Variants in FNDC3B observed in about 807,000 individuals in gnomAD.
FNDC3B encodes fibronectin type III domain-containing protein 3B.
FNDC3B carries 12 observed loss-of-function variants against 151.5 expected under a neutral mutation model. The observed-to-expected ratio is 0.08, with a 90% CI of 0.05 to 0.13. The LOEUF is 0.13. Among genes scored for constraint, FNDC3B ranks in the 10% least tolerant of loss-of-function variants. The probability of loss-of-function intolerance (pLI) is 1.00; values close to 1 mark genes in which losing one functional copy is unlikely to be tolerated. For missense variants in FNDC3B, 1,214 were observed against 1,505.3 expected, an observed-to-expected ratio of 0.81 and a Z score of 3.20; for synonymous variants, 528 against 549.0, an observed-to-expected ratio of 0.96 and a Z score of 0.54.
At chr3:172,094,835 G>A (rs1719020128) in intron 1 of FNDC3B, among the ~76,000 whole-genome samples, 1 of 151,626 alleles carries the variant, frequency 6.6e-6, no homozygotes, top group Admixed American at 6.6e-5. Flanking sequence ...CTTAGTGGAA[G>A]TGAGGTTCCA....
intron 4 of FNDC3B, among the ~76,000 whole-genome samples, chr3:172,240,673 A>G (rs1727448088): frequency 6.6e-6 from 1 of 152,178 alleles, no homozygotes; most frequent in Non-Finnish European, 1.5e-5. Context: ...GGTTTTCTTC[A>G]TCTAAAGCAG....
At chr3:172,195,545 G>A (rs141828560) in intron 3 of FNDC3B, among the ~76,000 whole-genome samples, 28 of 152,364 alleles carry the variant, frequency 1.8e-4, no homozygotes, top group Non-Finnish European at 3.8e-4. Context: ...TTGTGCTGCT[G>A]TTAATTTTGT....
At chr3:172,079,608 C>T (rs1255552731) in intron 1 of FNDC3B, among the ~76,000 whole-genome samples, 9 of 152,218 alleles carry the variant, frequency 5.9e-5, no homozygotes, top group Admixed American at 2.0e-4. Context: ...AGATAATTCC[C>T]GTATAGCCAT....
intron 3 of FNDC3B, among the ~76,000 whole-genome samples, chr3:172,177,336 G>A (rs9873489): frequency 0.1 from 15,595 of 152,146 alleles, 994 homozygotes; most frequent in African/African-American, 0.17. Context: ...GACTCCTTGG[G>A]CACTTCTTTT....
At chr3:172,111,666 C>G (rs9870328) in intron 1 of FNDC3B, among the ~76,000 whole-genome samples, 110,641 of 152,080 alleles carry the variant, frequency 0.73, 41,267 homozygotes, top group African/African-American at 0.9. Flanking sequence ...TTAGAGTGGA[C>G]GTGTTTAAGA....
chr3:172,395,483 A>T (rs1736228411), intron 25 of FNDC3B, among the ~76,000 whole-genome samples: 1 of 152,232 alleles, frequency 6.6e-6, no homozygotes, highest in African/African-American at 2.4e-5. Flanking sequence ...GATTATGTTA[A>T]TGTTAACAAA....
intron 13 of FNDC3B, among the ~76,000 whole-genome samples, chr3:172,331,805 T>C (rs1423041892): frequency 6.6e-6 from 1 of 152,210 alleles, no homozygotes; most frequent in Non-Finnish European, 1.5e-5. Flanking sequence ...GTCATTTCTT[T>C]GGGCAGTCCT....
intron 1 of FNDC3B, among the ~76,000 whole-genome samples, chr3:172,104,443 G>A (rs1719534398): frequency 6.7e-6 from 1 of 150,064 alleles, no homozygotes; most frequent in South Asian, 2.1e-4. Context: ...CATAGGGGAT[G>A]TGAAAAATTC....
chr3:172,068,168 C>G (rs1717594340), intron 1 of FNDC3B, among the ~76,000 whole-genome samples: 1 of 152,126 alleles, frequency 6.6e-6, no homozygotes, highest in Non-Finnish European at 1.5e-5. Flanking sequence ...CCCACCTATT[C>G]CCCCCAGTGG....
rs963525664 is a variant in FNDC3B, at chr3:172,362,241, C to T, written c.2796-392C>T. 2.0e-5 allele frequency among the ~76,000 whole-genome samples: 3 copies of T among 152,188 alleles called. No homozygotes were observed. The South Asian group carries it at 6.2e-4, about 31-fold the overall frequency. ...CCTGTGTTTTTGACTCTGAAGGAGA[C>T]TCATTTGTTCCCCCATTTCATTTAC... On this transcript the variant is annotated intron_variant, in intron 22 of 25. Transcript: ENST00000415807.
At chr3:172,323,170 T>G (rs1439408113) in intron 11 of FNDC3B, among the ~76,000 whole-genome samples, 10 of 152,186 alleles carry the variant, frequency 6.6e-5, no homozygotes, top group Non-Finnish European at 1.3e-4. Context: ...AATAAAGATG[T>G]TCCTTAAAAT....
chr3:172,284,427 C>T (rs989038374), intron 6 of FNDC3B, among the ~76,000 whole-genome samples: 3 of 151,932 alleles, frequency 2.0e-5, no homozygotes, highest in Non-Finnish European at 4.4e-5. Flanking sequence ...GTAAGAAAGA[C>T]CAGAAGTAAG....
At position 172,234,192 on chromosome 3, in the gene FNDC3B, G is replaced by A. The variant is rs559534809; in HGVS notation, c.264+7245G>A. On this transcript the variant is annotated intron_variant, in intron 4 of 25. Coordinates refer to ENST00000415807, the MANE Select transcript of FNDC3B (RefSeq NM_022763.4). ...AGTGGGAGGAAACGAGGGCCCAAGC[G>A]AGGCTCTACATCCAACTCTCTGTGT... Among the ~76,000 whole-genome samples, 25 of 152,284 alleles carry A rather than the reference G, an allele frequency of 1.6e-4. 1 individual carries two copies. Among genetic ancestry groups the A allele is most frequent in the African/African-American group, 4.1e-4 (17 of 41,554 alleles).
chr3:172,137,311 G>T (rs1369932242), intron 3 of FNDC3B, among the ~76,000 whole-genome samples: 1 of 152,180 alleles, frequency 6.6e-6, no homozygotes, highest in Non-Finnish European at 1.5e-5. Flanking sequence ...GACCTCAGAA[G>T]CTCATTGTGA....
intron 21 of FNDC3B, among the ~76,000 whole-genome samples, chr3:172,348,476 A>G (rs1163976339): frequency 6.6e-6 from 1 of 152,200 alleles, no homozygotes; most frequent in Non-Finnish European, 1.5e-5. Flanking sequence ...AAATTGTCTG[A>G]TATTTATAAT....
At chr3:172,217,830 A>G (rs1432508450) in intron 3 of FNDC3B, among the ~76,000 whole-genome samples, 2 of 152,178 alleles carry the variant, frequency 1.3e-5, no homozygotes, top group Admixed American at 6.5e-5. Flanking sequence ...ACAAGTTCAA[A>G]GAGGAATGTT....
intron 3 of FNDC3B, among the ~76,000 whole-genome samples, chr3:172,222,547 C>T (rs574609193): frequency 5.9e-5 from 9 of 152,276 alleles, no homozygotes; most frequent in South Asian, 2.1e-4. Context: ...AATTTTTCCA[C>T]GGATTGGGGG....
chr3:172,271,026 A>G (rs1401534553), intron 6 of FNDC3B, among the ~76,000 whole-genome samples: 1 of 152,210 alleles, frequency 6.6e-6, no homozygotes, highest in Non-Finnish European at 1.5e-5. Flanking sequence ...GGCCTTTCCT[A>G]TAAATGTGGT....
intron 3 of FNDC3B, among the ~76,000 whole-genome samples, chr3:172,212,352 G>A (rs11927623): frequency 0.024 from 3,587 of 152,264 alleles, 149 homozygotes; most frequent in African/African-American, 0.083. Context: ...GATCTTGAAT[G>A]AGCCTGTTTT....
Sources: allele counts gnomAD v4.1 joint callset (sites outside exome capture counted in the v4.1 genomes callset), GRCh38; gene constraint gnomAD v4.1.1; transcripts MANE v1.5; gene names NCBI Gene and HGNC (gene_info 2026-07-23, HGNC 2026-07-21).